The following ANXA10 variants were observed in gnomAD, a reference collection of about 807,000 sequenced individuals.
ANXA10 encodes annexin 14.
A neutral mutation model predicts 53.5 loss-of-function variants in ANXA10; 49 were observed. The ratio of observed to expected loss-of-function variants is 0.92; its 90% CI spans 0.73 to 1.16. The LOEUF is 1.16. Among genes scored for constraint, ANXA10 ranks in the 50% most tolerant of loss-of-function variants. The pLI, the probability that ANXA10 is intolerant of heterozygous loss-of-function variation, is 0.00. For missense variants in ANXA10, 393 were observed against 394.4 expected, an observed-to-expected ratio of 1.00 and a Z score of 0.03; for synonymous variants, 131 against 128.9, an observed-to-expected ratio of 1.02 and a Z score of -0.11.
At position 168,122,039 on chromosome 4, in the gene ANXA10, C is replaced by T. The variant is rs116360396; in HGVS notation, c.19-6045C>T. On this transcript the variant is annotated intron_variant, in intron 1 of 11. Transcript: ENST00000359299. ...GGTATTTTTCGTACAGATGGCGTTT[C>T]ACCATCCTGGCCAGGCATTTCGTGA... Among the ~76,000 whole-genome samples the T allele has an allele frequency of 6.7e-3, 1,022 of 152,176 alleles. 14 individuals carry two copies. Among genetic ancestry groups the T allele is most frequent in the African/African-American group, 0.024 (986 of 41,496 alleles).
chr4:168,127,747 A>C, intron 1 of ANXA10: 1 of 489,614 alleles, frequency 2.0e-6, no homozygotes, highest in Non-Finnish European at 3.8e-6. Flanking sequence ...CCTTGTGTGT[A>C]TGTTTTGTAG....
intron 6 of ANXA10, among the ~76,000 whole-genome samples, chr4:168,169,185 T>C (rs986713212): frequency 6.6e-6 from 1 of 152,210 alleles, no homozygotes; most frequent in Non-Finnish European, 1.5e-5. Flanking sequence ...ATAATCTCGA[T>C]TGACAAGATG....
intron 5 of ANXA10, 53 bp from the exon 6 acceptor site, chr4:168,165,194 A>C: frequency 8.3e-7 from 1 of 1,207,702 alleles, no homozygotes. Flanking sequence ...CTCAAAACAC[A>C]CTGATACATA....
intron 2 of ANXA10, among the ~76,000 whole-genome samples, chr4:168,137,146 A>G (rs980070582): frequency 7.2e-5 from 11 of 152,206 alleles, no homozygotes; most frequent in African/African-American, 2.7e-4. Context: ...TCCAAATATC[A>G]GATGTTGCTC....
chr4:168,156,964 T>C (rs2149476273), intron 3 of ANXA10, among the ~76,000 whole-genome samples: 1 of 152,252 alleles, frequency 6.6e-6, no homozygotes, highest in South Asian at 2.1e-4. Flanking sequence ...TATTAAAAAA[T>C]CATTCCTCTA....
chr4:168,129,538 T>C (rs1731125791), intron 2 of ANXA10, among the ~76,000 whole-genome samples: 2 of 152,002 alleles, frequency 1.3e-5, no homozygotes, highest in Admixed American at 6.6e-5. Flanking sequence ...CGTCAGGAGG[T>C]TTTGGGCTTT....
At position 168,155,786 on chromosome 4, in the gene ANXA10, T is replaced by TAA. The variant is rs1560783717; in HGVS notation, c.196-6742_196-6741insAA. ...TATATGATATATCATATATTATATA[T>TAA]TATATATAATATATAATATATGATA... On this transcript the variant is annotated intron_variant, in intron 3 of 11. Transcript: ENST00000359299. Among the ~76,000 whole-genome samples the TAA allele has an allele frequency of 1.0e-4, 2 of 19,094 alleles. 1 individual carries two copies. The highest frequency in any genetic ancestry group is 5.5e-4 in the African/African-American group (2 of 3,622). The allele number at this position is 19,094 out of a possible 152,430, so 12.5% of individuals were successfully genotyped here.
chr4:168,125,764 G>A (rs1481301630), intron 1 of ANXA10, among the ~76,000 whole-genome samples: 1 of 152,094 alleles, frequency 6.6e-6, no homozygotes, highest in African/African-American at 2.4e-5. Context: ...TGGGAAGATG[G>A]TTTCTAGAAC....
intron 6 of ANXA10, among the ~76,000 whole-genome samples, chr4:168,171,535 A>C (rs189515415): frequency 6.6e-6 from 1 of 152,134 alleles, no homozygotes; most frequent in Admixed American, 6.5e-5. Flanking sequence ...TTTTGAATTA[A>C]TAGAGACTGG....
At chr4:168,164,452 T>C (rs1055441938) in intron 5 of ANXA10, among the ~76,000 whole-genome samples, 164 bp downstream of exon 5, 1 of 152,144 alleles carries the variant, frequency 6.6e-6, no homozygotes, top group African/African-American at 2.4e-5. Flanking sequence ...CGATTATTAG[T>C]GCACTAAAAA....
chr4:168,116,279 A>G (rs1411029369), intron 1 of ANXA10, among the ~76,000 whole-genome samples: 2 of 152,204 alleles, frequency 1.3e-5, no homozygotes, highest in Non-Finnish European at 2.9e-5. Context: ...AGAAATCACT[A>G]TTAAACGGTC....
At chr4:168,100,419 A>G (rs1730620601) in intron 1 of ANXA10, among the ~76,000 whole-genome samples, 3 of 152,188 alleles carry the variant, frequency 2.0e-5, no homozygotes, top group Non-Finnish European at 4.4e-5. Flanking sequence ...ACATTTCCAT[A>G]TGGTTAAGAT....
intron 3 of ANXA10, among the ~76,000 whole-genome samples, chr4:168,157,202 A>G (rs1731701179): frequency 6.6e-6 from 1 of 152,204 alleles, no homozygotes; most frequent in African/African-American, 2.4e-5. Context: ...AATTTCTATA[A>G]AATAAACTTT....
chr4:168,176,224 T>C (rs556577433), intron 6 of ANXA10, among the ~76,000 whole-genome samples: 1 of 152,264 alleles, frequency 6.6e-6, no homozygotes, highest in African/African-American at 2.4e-5. Flanking sequence ...TTCTGGACAT[T>C]GAATATATGA....
At chr4:168,111,333 C>T (rs1002183989) in intron 1 of ANXA10, among the ~76,000 whole-genome samples, 3 of 152,110 alleles carry the variant, frequency 2.0e-5, no homozygotes, top group African/African-American at 7.2e-5. Flanking sequence ...TCTTAAATTA[C>T]TATATGTTTT....
intron 3 of ANXA10, among the ~76,000 whole-genome samples, chr4:168,148,456 T>C (rs969481639): frequency 3.9e-5 from 6 of 152,150 alleles, no homozygotes; most frequent in Admixed American, 1.3e-4. Flanking sequence ...TGAGCCACCG[T>C]GCCTGGCCAT....
chr4:168,120,108 C>A (rs916937835), intron 1 of ANXA10, among the ~76,000 whole-genome samples: 1 of 151,728 alleles, frequency 6.6e-6, no homozygotes, highest in African/African-American at 2.4e-5. Context: ...CTATTTACAG[C>A]AACTCATGAA....
intron 1 of ANXA10, among the ~76,000 whole-genome samples, chr4:168,107,168 GA>G (rs1197551671): frequency 2.6e-5 from 4 of 151,786 alleles, no homozygotes; most frequent in South Asian, 4.2e-4. Flanking sequence ...CAATAAAAAA[GA>G]AAAAAATATG....
In ANXA10 at chr4:168,101,740, A is replaced by G. The variant is rs938343139; in HGVS notation, c.18+9022A>G. Among the ~76,000 whole-genome samples, 4 of 152,088 alleles carry G rather than the reference A, an allele frequency of 2.6e-5. No individual in the cohort carries two copies. In the South Asian group the frequency reaches 6.2e-4, roughly 24 times the overall value. On this transcript the variant is annotated intron_variant, in intron 1 of 11. Transcript: ENST00000359299. The stretch of plus-strand genomic sequence containing the variant: ...TACAGAGCAAAAAATATGTGTGTAT[A>G]CTAACCCATTTATCTGCACACATCT...
Sources: gnomAD v4.1 joint callset for allele counts (sites outside exome capture counted in the v4.1 genomes callset) on GRCh38, gnomAD v4.1.1 for gene constraint, MANE v1.5 for transcripts, NCBI Gene and HGNC (gene_info 2026-07-23, HGNC 2026-07-21) for gene names.